TENM3: variants seen among roughly 807,000 people sequenced by gnomAD.
TENM3 encodes the protein teneurin-3.
In TENM3, 63 loss-of-function variants were observed where a neutral mutation model predicts 255.1. The observed-to-expected ratio is 0.25, with a 90% CI of 0.20 to 0.30. TENM3 has a LOEUF of 0.30. Ranked by LOEUF, TENM3 falls within the 10% of genes least tolerant of loss-of-function variation. The pLI is 1.00. For missense variants in TENM3, 2,929 were observed against 3,461.1 expected (o/e 0.85, Z 3.86); for synonymous variants, 1,306 against 1,322.3 (o/e 0.99, Z 0.27).
At chr4:182,106,010 G>C in the TENM3 span, among the ~76,000 whole-genome samples, 1 of 152,202 alleles carries the variant, frequency 6.6e-6, no homozygotes, top group African/African-American at 2.4e-5. Flanking sequence ...AAATCGTACT[G>C]TTGGGCTTCG....
the TENM3 span, among the ~76,000 whole-genome samples, chr4:181,492,586 G>A: frequency 6.6e-6 from 1 of 152,166 alleles, no homozygotes; most frequent in East Asian, 1.9e-4. Context: ...TTGGCTGGCT[G>A]TGATAAAAAT....
the TENM3 span, among the ~76,000 whole-genome samples, chr4:181,595,415 A>T: frequency 7.9e-6 from 1 of 127,222 alleles, no homozygotes; most frequent in Non-Finnish European, 1.6e-5. Flanking sequence ...TGGGTGACAG[A>T]GCGAGACTCC....
the TENM3 span, among the ~76,000 whole-genome samples, chr4:182,083,091 G>T: frequency 5.9e-5 from 9 of 152,272 alleles, no homozygotes; most frequent in Non-Finnish European, 1.2e-4. Context: ...AGGAAATTGA[G>T]TTAACACAAG....
intron 1 of TENM3, among the ~76,000 whole-genome samples, chr4:182,322,902 T>C (rs913659887): frequency 3.9e-5 from 6 of 152,138 alleles, no homozygotes; most frequent in African/African-American, 1.2e-4. Context: ...AAGTTGACTA[T>C]GGAATCACTC....
rs535853370 is a variant in TENM3 at position 182,447,280 on chromosome 4, A to G, written c.511+100351A>G. On this transcript the variant is annotated intron_variant, in intron 3 of 27. Transcript: ENST00000511685. Reference sequence around the variant, plus strand: ...ACCCAGAGTTAGTGATAGAAAAAAAAAAAAACTAAGGTGTGGAGACTGCTT... The same window carrying G: ...ACCCAGAGTTAGTGATAGAAAAAAAGAAAAACTAAGGTGTGGAGACTGCTT... 3.9e-5 allele frequency among the ~76,000 whole-genome samples: 6 copies of G among 152,192 alleles called. No homozygotes were observed. In the East Asian group the frequency reaches 7.7e-4, roughly 20 times the overall value.
At chr4:182,033,355 G>C in the TENM3 span, among the ~76,000 whole-genome samples, 5 of 152,168 alleles carry the variant, frequency 3.3e-5, no homozygotes, top group East Asian at 9.6e-4. Flanking sequence ...GTGTGGTTTT[G>C]AGTGAGTTTC....
rs538871954 is a variant in TENM3 at position 182,615,729 on chromosome 4, T to TG, written c.750-12921dup. On this transcript the variant is annotated intron_variant, in intron 4 of 27. Transcript: ENST00000511685. ...TTAAAAAAAGGGGGATGTTGAAAAG[T>TG]GAAAAAAAAAAAAGAGTGAGATGAC... Among the ~76,000 whole-genome samples, 6 of 146,502 alleles carry TG rather than the reference T, an allele frequency of 4.1e-5. No individual in the cohort carries two copies. In the East Asian group the frequency reaches 1.2e-3, roughly 29 times the overall value.
At chr4:181,498,027 C>T in the TENM3 span, among the ~76,000 whole-genome samples, 19 of 152,262 alleles carry the variant, frequency 1.2e-4, no homozygotes, top group African/African-American at 1.7e-4. Flanking sequence ...GTTTCAGTCA[C>T]GACTTTTAGG....
At chr4:182,368,275 A>T (rs1766564582) in intron 3 of TENM3, among the ~76,000 whole-genome samples, 1 of 152,168 alleles carries the variant, frequency 6.6e-6, no homozygotes, top group South Asian at 2.1e-4. Flanking sequence ...AGTAGGCTGT[A>T]GGATTATGAT....
chr4:181,807,318 C>T, the TENM3 span, among the ~76,000 whole-genome samples: 4 of 152,162 alleles, frequency 2.6e-5, no homozygotes, highest in Admixed American at 6.5e-5. Context: ...TTAAATGTAA[C>T]GATTACTTAC....
intron 1 of TENM3, among the ~76,000 whole-genome samples, chr4:182,216,179 C>T (rs894615252): frequency 1.3e-5 from 2 of 152,188 alleles, no homozygotes; most frequent in African/African-American, 4.8e-5. Flanking sequence ...GCACACAGGC[C>T]TCAGAATGTG....
the TENM3 span, among the ~76,000 whole-genome samples, chr4:181,827,890 G>T: frequency 1.3e-5 from 2 of 152,142 alleles, no homozygotes; most frequent in African/African-American, 2.4e-5. Context: ...AACAAGAGAG[G>T]CCAAGACAGG....
At chr4:182,419,347 A>G (rs1396889933) in intron 3 of TENM3, among the ~76,000 whole-genome samples, 5 of 152,170 alleles carry the variant, frequency 3.3e-5, no homozygotes, top group East Asian at 1.9e-4. Context: ...TTCGAATGGC[A>G]ATCATTAAAA....
At chr4:181,623,812 A>G in the TENM3 span, among the ~76,000 whole-genome samples, 4 of 152,234 alleles carry the variant, frequency 2.6e-5, no homozygotes, top group Non-Finnish European at 4.4e-5. Context: ...CTTCATTCAG[A>G]TATTAAGCAA....
intron 13 of TENM3, among the ~76,000 whole-genome samples, chr4:182,723,415 G>T (rs1361938811): frequency 2.6e-5 from 4 of 152,110 alleles, no homozygotes; most frequent in Non-Finnish European, 1.5e-5. Flanking sequence ...GAAGTTGAGG[G>T]GTGGGGGCGA....
At chr4:181,767,822 A>G in the TENM3 span, among the ~76,000 whole-genome samples, 2 of 152,222 alleles carry the variant, frequency 1.3e-5, no homozygotes, top group East Asian at 1.9e-4. Context: ...AATATAGTCT[A>G]TTAATCTAAA....
At chr4:181,559,576 G>C in the TENM3 span, among the ~76,000 whole-genome samples, 49,351 of 152,138 alleles carry the variant, frequency 0.32, 8,801 homozygotes, top group Non-Finnish European at 0.41. Flanking sequence ...TTATTAGGAA[G>C]AGTAGATGAA....
At chr4:182,497,847 C>CATATATAT (rs56170155) in intron 3 of TENM3, among the ~76,000 whole-genome samples, 1,845 of 134,966 alleles carry the variant, frequency 0.014, 38 homozygotes, top group African/African-American at 0.046. Context: ...ACTAAAAATA[C>CATATATAT]ATATATATAT....
At chr4:182,019,321 G>A in the TENM3 span, among the ~76,000 whole-genome samples, 2 of 152,128 alleles carry the variant, frequency 1.3e-5, no homozygotes, top group African/African-American at 2.4e-5. Context: ...TTGTGGCCTG[G>A]TTCTTTGCAC....
Sources: allele counts gnomAD v4.1 joint callset (sites outside exome capture counted in the v4.1 genomes callset), GRCh38; gene constraint gnomAD v4.1.1; transcripts MANE v1.5; gene names NCBI Gene and HGNC (gene_info 2026-07-23, HGNC 2026-07-21).